The following SP4 variants were observed in gnomAD, a reference collection of about 807,000 sequenced individuals.
SP4 encodes Sp4 transcription factor, also known as transcription factor Sp4.
A neutral mutation model predicts 72.8 loss-of-function variants in SP4; 19 were observed. The observed-to-expected ratio is 0.26, with a 90% CI of 0.18 to 0.38. The LOEUF is 0.38. Among genes scored for constraint, SP4 ranks in the 10% least tolerant of loss-of-function variants. The probability of loss-of-function intolerance (pLI) is 1.00; values close to 1 mark genes in which losing one functional copy is unlikely to be tolerated. For synonymous variants in SP4, 395 were observed against 333.1 expected, an observed-to-expected ratio of 1.19 and a Z score of -2.02; for missense variants, 1,008 against 926.3, an observed-to-expected ratio of 1.09 and a Z score of -1.14.
intron 3 of SP4, among the ~76,000 whole-genome samples, chr7:21,446,019 TGTGTGTGTGTGC>T (rs1783415712): frequency 7.1e-6 from 1 of 140,290 alleles, no homozygotes; most frequent in African/African-American, 2.8e-5. Context: ...TGTGTGTGTG[TGTGTGTGTGTGC>T]ACGCATATGT....
intron 3 of SP4, among the ~76,000 whole-genome samples, chr7:21,451,740 C>A (rs1395475829): frequency 6.6e-6 from 1 of 152,068 alleles, no homozygotes; most frequent in Non-Finnish European, 1.5e-5. Flanking sequence ...TCATCTGGAG[C>A]TGGATGGCCT....
intron 3 of SP4, among the ~76,000 whole-genome samples, chr7:21,467,423 T>C (rs2128405071): frequency 6.6e-6 from 1 of 152,310 alleles, no homozygotes; most frequent in Non-Finnish European, 1.5e-5. Flanking sequence ...TTTTGGTATA[T>C]TGATAGAGTT....
intron 3 of SP4, among the ~76,000 whole-genome samples, chr7:21,432,126 C>T (rs1782879547): frequency 6.6e-6 from 1 of 152,188 alleles, no homozygotes; most frequent in Non-Finnish European, 1.5e-5. Flanking sequence ...GTGTGTGGGG[C>T]AACTGAGGAA....
chr7:21,502,031 T>G (rs1471696262), intron 5 of SP4, among the ~76,000 whole-genome samples: 1 of 135,982 alleles, frequency 7.4e-6, no homozygotes, highest in Non-Finnish European at 1.5e-5. Flanking sequence ...GGCCTTAAAT[T>G]CATTAGGCAC....
At chr7:21,487,181 A>T (rs1784837623) in intron 5 of SP4, among the ~76,000 whole-genome samples, 1 of 152,132 alleles carries the variant, frequency 6.6e-6, no homozygotes, top group Non-Finnish European at 1.5e-5. Flanking sequence ...GGTCTTTCAC[A>T]TTAGTTCCTG....
At chr7:21,453,004 T>C (rs1783648015) in intron 3 of SP4, among the ~76,000 whole-genome samples, 1 of 152,114 alleles carries the variant, frequency 6.6e-6, no homozygotes, top group Non-Finnish European at 1.5e-5. Flanking sequence ...GGTCTTGAAC[T>C]CCTGACCTTG....
intron 3 of SP4, among the ~76,000 whole-genome samples, chr7:21,454,487 TATAAA>T (rs1355268650): frequency 1.3e-5 from 2 of 152,294 alleles, no homozygotes; most frequent in East Asian, 3.9e-4. Flanking sequence ...TCCTTTCTCA[TATAAA>T]ATATCTTTTC....
chr7:21,473,084 AC>A (rs1387019566), intron 3 of SP4, among the ~76,000 whole-genome samples: 2 of 152,214 alleles, frequency 1.3e-5, no homozygotes, highest in African/African-American at 4.8e-5. Context: ...TCAGAACACT[AC>A]TTTTTTATTT....
In SP4 at chr7:21,428,666, G is replaced by T. The variant is rs746690631; in HGVS notation, c.8-11G>T. 9 of 1,535,940 alleles carry T rather than the reference G, an allele frequency of 5.9e-6. No individual in the cohort carries two copies. The highest frequency in any genetic ancestry group is 7.9e-6 in the Non-Finnish European group (9 of 1,132,938). On this transcript the variant is annotated splice_polypyrimidine_tract_variant and intron_variant, in intron 1 of 5. Transcript: ENST00000222584. ...GTTGTCGTGTGTGTGTGGTGGGGGG[G>T]TTTGTTGCAGATCAGAAGAAGGAGG...
rs79666474 is a variant in SP4 at position 21,471,420 on chromosome 7, G to A, written c.1679-5659G>A. Among the ~76,000 whole-genome samples the A allele has an allele frequency of 8.9e-4, 136 of 152,320 alleles. 2 individuals are homozygous for A. In the East Asian group the frequency reaches 0.023, roughly 25 times the overall value. ...GATCAACATAGATAATGTATATGGT[G>A]GAAAGAGAATAGCTTTTTGAGTTGG... On this transcript the variant is annotated intron_variant, in intron 3 of 5. Transcript: ENST00000222584.
At chr7:21,475,164 G>A (rs767444913) in intron 3 of SP4, among the ~76,000 whole-genome samples, 2 of 151,182 alleles carry the variant, frequency 1.3e-5, no homozygotes, top group Non-Finnish European at 2.9e-5. Flanking sequence ...GCCCAGGCTG[G>A]AGTGCAGTGG....
In SP4 at chr7:21,444,103, T is replaced by C. The variant is rs1423600585; in HGVS notation, c.1678+13260T>C. Among the ~76,000 whole-genome samples, 5 of 152,356 alleles carry C rather than the reference T, an allele frequency of 3.3e-5. No individual in the cohort carries two copies. In the East Asian group the frequency reaches 9.6e-4, roughly 29 times the overall value. ...GTTTTAATATCCCCTTGTTAGACTTTCATCTATTACCTGTACTCCCTACTG... is the reference window on the plus strand; with the variant it reads ...GTTTTAATATCCCCTTGTTAGACTTCCATCTATTACCTGTACTCCCTACTG... On this transcript the variant is annotated intron_variant, in intron 3 of 5. Coordinates refer to ENST00000222584, the MANE Select transcript of SP4 (RefSeq NM_003112.5).
intron 5 of SP4, among the ~76,000 whole-genome samples, chr7:21,507,089 T>C (rs1782018154): frequency 6.6e-6 from 1 of 152,238 alleles, no homozygotes; most frequent in Admixed American, 6.5e-5. Context: ...TAGGATATTC[T>C]TGATGGACAT....
chr7:21,442,527 A>G (rs1194885830), intron 3 of SP4, among the ~76,000 whole-genome samples: 3 of 152,194 alleles, frequency 2.0e-5, no homozygotes, highest in Admixed American at 2.0e-4. Context: ...TTTGGTTTAT[A>G]CAAGCTGTGA....
At chr7:21,492,202 GA>G (rs1784997054) in intron 5 of SP4, among the ~76,000 whole-genome samples, 2 of 152,142 alleles carry the variant, frequency 1.3e-5, no homozygotes, top group Non-Finnish European at 2.9e-5. Flanking sequence ...TGATAATATA[GA>G]AGTTGTTATA....
chr7:21,465,170 G>T (rs181912945), intron 3 of SP4, among the ~76,000 whole-genome samples: 5 of 152,010 alleles, frequency 3.3e-5, no homozygotes, highest in Admixed American at 2.0e-4. Context: ...ACCAAAGAGG[G>T]TGTATATCTT....
chr7:21,472,932 A>G (rs1024987657), intron 3 of SP4, among the ~76,000 whole-genome samples: 52 of 152,146 alleles, frequency 3.4e-4, no homozygotes, highest in African/African-American at 1.2e-3. Flanking sequence ...ATGGTCACTG[A>G]AAAAATGCAC....
chr7:21,433,769 T>C (rs888319038), intron 3 of SP4, among the ~76,000 whole-genome samples: 2 of 152,060 alleles, frequency 1.3e-5, no homozygotes, highest in South Asian at 2.1e-4. Flanking sequence ...GGAGAAACCC[T>C]GTCTCTACTA....
chr7:21,451,975 G>C (rs372769743), intron 3 of SP4, among the ~76,000 whole-genome samples: 133 of 152,300 alleles, frequency 8.7e-4, no homozygotes, highest in Middle Eastern at 3.4e-3. Flanking sequence ...TACATGCCCA[G>C]AATTAGAATA....
Sources: allele counts gnomAD v4.1 joint callset (sites outside exome capture counted in the v4.1 genomes callset), GRCh38; gene constraint gnomAD v4.1.1; transcripts MANE v1.5; gene names NCBI Gene and HGNC (gene_info 2026-07-23, HGNC 2026-07-21).